The following FAM227B variants were observed in gnomAD, a reference collection of about 807,000 sequenced individuals.
FAM227B encodes the protein family with sequence similarity 227 member B, also known as protein FAM227B.
In FAM227B, 88 loss-of-function variants were observed where a neutral mutation model predicts 73.8. The ratio of observed to expected loss-of-function variants is 1.19; its 90% CI spans 1.00 to 1.42. FAM227B has a LOEUF of 1.42. Among genes scored for constraint, FAM227B ranks in the 40% most tolerant of loss-of-function variants. The pLI is 0.00. For synonymous variants in FAM227B, 210 were observed against 190.5 expected, an observed-to-expected ratio of 1.10 and a Z score of -0.84; for missense variants, 632 against 590.9, an observed-to-expected ratio of 1.07 and a Z score of -0.72.
At chr15:49,583,812 A>G (rs543070993) in intron 5 of FAM227B, among the ~76,000 whole-genome samples, 2 of 152,266 alleles carry the variant, frequency 1.3e-5, no homozygotes, top group Admixed American at 6.5e-5. Flanking sequence ...ACTGAGCCAA[A>G]AAGAAATTGA....
chr15:49,409,926 C>G (rs1030667145), intron 11 of FAM227B, among the ~76,000 whole-genome samples: 1 of 152,078 alleles, frequency 6.6e-6, no homozygotes, highest in African/African-American at 2.4e-5. Flanking sequence ...GAAGATTAGT[C>G]TCTTTCTGTT....
intron 13 of FAM227B, chr15:49,366,589 C>T (rs2045230994): frequency 1.3e-6 from 2 of 1,599,968 alleles, no homozygotes; most frequent in Admixed American, 1.7e-5. Flanking sequence ...CATTTCCAGA[C>T]GCATGCAAGA....
intron 11 of FAM227B, among the ~76,000 whole-genome samples, chr15:49,453,209 G>T (rs2052936820): frequency 1.3e-5 from 2 of 151,808 alleles, no homozygotes; most frequent in Admixed American, 1.3e-4. Flanking sequence ...AATATGTTCT[G>T]TTTAATCTAA....
At chr15:49,463,828 A>G (rs2054018339) in intron 11 of FAM227B, among the ~76,000 whole-genome samples, 1 of 152,174 alleles carries the variant, frequency 6.6e-6, no homozygotes, top group African/African-American at 2.4e-5. Flanking sequence ...TGTAAGGGGA[A>G]AATTGTAAGT....
At chr15:49,455,938 T>A (rs1175855053) in intron 11 of FAM227B, among the ~76,000 whole-genome samples, 6 of 152,126 alleles carry the variant, frequency 3.9e-5, no homozygotes, top group Non-Finnish European at 8.8e-5. Flanking sequence ...TACTACAGAA[T>A]GGGAACTATG....
chr15:49,528,998 A>C (rs1394612615), intron 10 of FAM227B, among the ~76,000 whole-genome samples: 3 of 151,754 alleles, frequency 2.0e-5, no homozygotes, highest in African/African-American at 7.2e-5. Context: ...AAAGCAAATC[A>C]CTATACAAAA....
intron 11 of FAM227B, among the ~76,000 whole-genome samples, chr15:49,430,480 C>T (rs961490072): frequency 6.6e-6 from 1 of 151,706 alleles, no homozygotes; most frequent in South Asian, 2.1e-4. Flanking sequence ...GGGGAGAGAA[C>T]CACAATTCTA....
chr15:49,327,731 G>C lies in FAM227B; in HGVS notation c.*837C>G. The stretch of plus-strand genomic sequence containing the variant: ...AGGAGTACTGTTGACTTACCACTTG[G>C]AGTCAAAACCAGGGACTAGATTTAG... On this transcript the variant is annotated 3_prime_UTR_variant, in exon 16 of 16. Transcript: ENST00000299338. 2.4e-6 allele frequency: 1 copy of C among 408,930 alleles called. No homozygotes were observed. Among genetic ancestry groups the C allele is most frequent in the Non-Finnish European group, 4.3e-6 (1 of 230,490 alleles). The allele number at this position is 408,930 out of a possible 1,614,324, so 25.3% of individuals were successfully genotyped here.
At chr15:49,405,166 C>T (rs1196941733) in intron 11 of FAM227B, among the ~76,000 whole-genome samples, 2 of 152,160 alleles carry the variant, frequency 1.3e-5, no homozygotes, top group Admixed American at 1.3e-4. Context: ...TGATCTTTCT[C>T]TCTAGCTGCC....
chr15:49,417,342 A>G (rs552743581), intron 11 of FAM227B, among the ~76,000 whole-genome samples: 2 of 152,276 alleles, frequency 1.3e-5, no homozygotes, highest in Admixed American at 6.5e-5. Flanking sequence ...AGCCATGATT[A>G]TGCCACTGCG....
At chr15:49,427,823 G>A (rs1846946508) in intron 11 of FAM227B, among the ~76,000 whole-genome samples, 1 of 151,908 alleles carries the variant, frequency 6.6e-6, no homozygotes, top group African/African-American at 2.4e-5. Context: ...TTTGGGCTCG[G>A]GTAGATGGTT....
At chr15:49,329,916 T>C (rs74339964) in intron 15 of FAM227B, 32,265 of 206,666 alleles carry the variant, frequency 0.16, 3,121 homozygotes, top group Non-Finnish European at 0.19. Context: ...ATGTGCACTC[T>C]TCTTTGGGGG....
chr15:49,590,774 ATT>A (rs545418785), intron 3 of FAM227B, among the ~76,000 whole-genome samples: 43 of 152,086 alleles, frequency 2.8e-4, no homozygotes, highest in African/African-American at 9.9e-4. Context: ...GATCCCCAGA[ATT>A]TCTCTCTCCT....
chr15:49,571,915 T>C (rs938078166), intron 8 of FAM227B, among the ~76,000 whole-genome samples: 1 of 152,030 alleles, frequency 6.6e-6, no homozygotes, highest in South Asian at 2.1e-4. Context: ...AGGGATTGCA[T>C]TGATTCTGTA....
chr15:49,506,331 A>G (rs2058581088), intron 11 of FAM227B, among the ~76,000 whole-genome samples: 1 of 152,044 alleles, frequency 6.6e-6, no homozygotes, highest in Admixed American at 6.6e-5. Context: ...GTTTTTTACA[A>G]CCCTTAAAAA....
intron 11 of FAM227B, among the ~76,000 whole-genome samples, chr15:49,468,292 G>A (rs1567335171): frequency 6.6e-6 from 1 of 152,234 alleles, no homozygotes; most frequent in East Asian, 1.9e-4. Context: ...GGACATTTCA[G>A]TTATACTTGA....
chr15:49,556,121 G>A (rs1316568906), intron 9 of FAM227B, among the ~76,000 whole-genome samples: 1 of 152,170 alleles, frequency 6.6e-6, no homozygotes, highest in East Asian at 1.9e-4. Flanking sequence ...TGGGGAACTA[G>A]TACAGTTATT....
intron 13 of FAM227B, among the ~76,000 whole-genome samples, chr15:49,363,626 G>A (rs553490705): frequency 2.6e-5 from 4 of 152,200 alleles, no homozygotes; most frequent in East Asian, 1.9e-4. Flanking sequence ...TCTTTCTCTT[G>A]TCTGATTGCT....
chr15:49,409,079 T>C (rs927306461), intron 11 of FAM227B, among the ~76,000 whole-genome samples: 11 of 152,318 alleles, frequency 7.2e-5, no homozygotes, highest in African/African-American at 2.4e-4. Context: ...TTGGTTCATA[T>C]GTATGATTAA....
Sources: allele counts gnomAD v4.1 joint callset (sites outside exome capture counted in the v4.1 genomes callset), GRCh38; gene constraint gnomAD v4.1.1; transcripts MANE v1.5; gene names NCBI Gene and HGNC (gene_info 2026-07-23, HGNC 2026-07-21).